Variants in KAZN observed in about 807,000 individuals in gnomAD.
The protein encoded by KAZN is kazrin, periplakin interacting protein.
KAZN carries 40 observed loss-of-function variants against 87.4 expected under a neutral mutation model. The observed-to-expected ratio is 0.46, with a 90% CI of 0.36 to 0.60. The LOEUF is 0.60. KAZN is among the 20% of genes least tolerant of loss of function. The probability of loss-of-function intolerance (pLI) is 0.00; values close to 1 mark genes in which losing one functional copy is unlikely to be tolerated. For missense variants in KAZN, 898 were observed against 1,073.9 expected, an observed-to-expected ratio of 0.84 and a Z score of 2.29; for synonymous variants, 466 against 458.3, an observed-to-expected ratio of 1.02 and a Z score of -0.22.
At position 14,089,739 on chromosome 1, in the gene KAZN, C is replaced by T. The variant is rs142584493; in HGVS notation, c.92-90696C>T. Among the ~76,000 whole-genome samples, 24 of 152,204 alleles carry T rather than the reference C, an allele frequency of 1.6e-4. No homozygotes were observed. In the East Asian group the frequency reaches 2.9e-3, roughly 18 times the overall value. ...TGCTATTTCTGGTGCTCTTTTATTC[C>T]GCTACATGATTGACCTAGTCTTATT... On this transcript the variant is annotated intron_variant, in intron 1 of 16. Transcript: ENST00000636203.
At chr1:14,876,792 C>T (rs1201461249) in intron 1 of KAZN, among the ~76,000 whole-genome samples, 1 of 152,158 alleles carries the variant, frequency 6.6e-6, no homozygotes, top group Non-Finnish European at 1.5e-5. Context: ...TATTATTCTC[C>T]CTCCAGACCT....
intron 1 of KAZN, among the ~76,000 whole-genome samples, chr1:14,717,454 C>G (rs940577383): frequency 6.6e-6 from 1 of 152,048 alleles, no homozygotes; most frequent in African/African-American, 2.4e-5. Flanking sequence ...TCCCAGCTTG[C>G]GGTGGCCCCG....
rs111762110 is a variant in KAZN at position 14,843,318 on chromosome 1, G to A, written c.227-117366G>A. Among the ~76,000 whole-genome samples, 264 of 152,294 alleles carry A rather than the reference G, an allele frequency of 1.7e-3. 6 individuals carry two copies. In the Middle Eastern group the frequency reaches 0.024, roughly 14 times the overall value. On this transcript the variant is annotated intron_variant, in intron 1 of 14. Transcript: ENST00000376030. ...GAATAATAAGGGACCCATCTGGATG[G>A]GTGGTAGGAGAAGACCTCTCTGAGG...
chr1:14,758,505 G>A (rs1644640298), intron 1 of KAZN, among the ~76,000 whole-genome samples: 1 of 151,614 alleles, frequency 6.6e-6, no homozygotes, highest in Non-Finnish European at 1.5e-5. Flanking sequence ...AGAGATGAGA[G>A]TTTCACTATG....
chr1:14,893,722 G>C (rs561264637), intron 1 of KAZN, among the ~76,000 whole-genome samples: 1 of 152,296 alleles, frequency 6.6e-6, no homozygotes, highest in South Asian at 2.1e-4. Flanking sequence ...TCAGAGGTCA[G>C]AGTGGGCAGA....
chr1:15,112,337 G>C, intron 13 of KAZN, 90 bp from the exon 14 acceptor site: 1 of 55,006 alleles, frequency 1.8e-5, no homozygotes, highest in Non-Finnish European at 3.9e-5. Context: ...CAATGTGTGT[G>C]TGTGTGTGTG....
At chr1:14,323,521 T>G (rs1656195794) in intron 2 of KAZN, among the ~76,000 whole-genome samples, 1 of 152,096 alleles carries the variant, frequency 6.6e-6, no homozygotes. Flanking sequence ...CAGATCTGGA[T>G]CCAGAACTAG....
chr1:14,068,955 C>T lies in KAZN; in HGVS notation c.92-111480C>T, dbSNP rs139811272. Among the ~76,000 whole-genome samples the T allele has an allele frequency of 9.2e-5, 14 of 152,128 alleles. No homozygotes were observed. The East Asian group carries it at 9.7e-4, about 11-fold the overall frequency. Reference sequence around the variant, plus strand: ...CTGGGACTACAGGCACGTGCCACCACGCCTGGTTAATTTTTGTATTTTTAG... The same window carrying T: ...CTGGGACTACAGGCACGTGCCACCATGCCTGGTTAATTTTTGTATTTTTAG... On this transcript the variant is annotated intron_variant, in intron 1 of 16. Transcript: ENST00000636203.
intron 1 of KAZN, among the ~76,000 whole-genome samples, chr1:14,745,246 A>G (rs1222315500): frequency 6.7e-6 from 1 of 149,346 alleles, no homozygotes; most frequent in African/African-American, 2.5e-5. Context: ...GGCGTTTATC[A>G]TTAAAAGAAA....
At chr1:15,032,124 CG>C (rs1557734706) in intron 2 of KAZN, among the ~76,000 whole-genome samples, 1 of 151,694 alleles carries the variant, frequency 6.6e-6, no homozygotes, top group African/African-American at 2.4e-5. Flanking sequence ...ACACCCAGCC[CG>C]AGGCAGACGC....
In KAZN at chr1:15,103,315, C is replaced by A; in HGVS notation, c.1780-44C>A. 4 of 1,448,008 alleles carry A rather than the reference C, an allele frequency of 2.8e-6. No homozygotes were observed. The South Asian group carries it at 3.7e-5, about 13-fold the overall frequency. The allele number at this position is 1,448,008 out of a possible 1,614,324, so 89.7% of individuals were successfully genotyped here. A position where few individuals can be genotyped will look rare whatever the true frequency, so the allele number is the denominator to read the frequency against. ...ACCCCCACTCCACACGTGGCCTCTG[C>A]GTGTCCCCTTGTCCCTCCGAATGAC... On this transcript the variant is annotated intron_variant, in intron 11 of 14. Coordinates refer to ENST00000376030, the MANE Select transcript of KAZN (RefSeq NM_201628.3).
intron 1 of KAZN, among the ~76,000 whole-genome samples, chr1:13,911,743 G>A (rs1184254565): frequency 1.3e-5 from 2 of 152,258 alleles, no homozygotes; most frequent in East Asian, 3.9e-4. Context: ...ATCATTTAAT[G>A]TATTAAATCC....
At chr1:14,298,549 A>G (rs1268078634) in intron 2 of KAZN, among the ~76,000 whole-genome samples, 1 of 152,198 alleles carries the variant, frequency 6.6e-6, no homozygotes, top group African/African-American at 2.4e-5. Context: ...TTCTTTTGAT[A>G]TATATCTCTG....
intron 1 of KAZN, among the ~76,000 whole-genome samples, chr1:14,847,574 G>A (rs111320893): frequency 1.4e-3 from 217 of 152,258 alleles, no homozygotes; most frequent in African/African-American, 5.0e-3. Context: ...AAGAGAATTT[G>A]GGAGCACACT....
upstream of KAZN, among the ~76,000 whole-genome samples, chr1:14,597,612 T>G (rs1432644562): frequency 2.6e-5 from 4 of 152,164 alleles, no homozygotes; most frequent in Non-Finnish European, 5.9e-5. Flanking sequence ...ATGGGCTTCC[T>G]GTAAGAACCT....
At chr1:14,895,410 C>T (rs550069468) in intron 1 of KAZN, among the ~76,000 whole-genome samples, 4 of 152,332 alleles carry the variant, frequency 2.6e-5, no homozygotes, top group East Asian at 1.9e-4. Context: ...TTAGCAAAGC[C>T]GCCAGATCAG....
intron 2 of KAZN, among the ~76,000 whole-genome samples, chr1:14,393,203 A>ATGG (rs1662604890): frequency 6.6e-6 from 1 of 152,202 alleles, no homozygotes; most frequent in Non-Finnish European, 1.5e-5. Context: ...AGGGCTCCAA[A>ATGG]CAGGCACTTT....
chr1:14,256,817 A>G (rs528417892), intron 2 of KAZN, among the ~76,000 whole-genome samples: 1 of 152,302 alleles, frequency 6.6e-6, no homozygotes, highest in South Asian at 2.1e-4. Flanking sequence ...TCTCCCCATG[A>G]AGGGCTTTAG....
chr1:14,417,639 G>A (rs1358370075), intron 2 of KAZN, among the ~76,000 whole-genome samples: 2 of 152,218 alleles, frequency 1.3e-5, no homozygotes, highest in Non-Finnish European at 1.5e-5. Flanking sequence ...GAGACCCTAG[G>A]AAAGAACAGC....
Sources: allele counts gnomAD v4.1 joint callset (sites outside exome capture counted in the v4.1 genomes callset), GRCh38; gene constraint gnomAD v4.1.1; transcripts MANE v1.5; gene names NCBI Gene and HGNC (gene_info 2026-07-23, HGNC 2026-07-21).